ERC1: variants seen among roughly 807,000 people sequenced by gnomAD.
The protein encoded by ERC1 is ELKS/RAB6-interacting/CAST family member 1.
In ERC1, 56 loss-of-function variants were observed where a neutral mutation model predicts 132.0. The ratio of observed to expected loss-of-function variants is 0.42; its 90% confidence interval spans 0.34 to 0.53. ERC1 has a LOEUF of 0.53. Ranked by LOEUF, ERC1 falls within the 20% of genes least tolerant of loss-of-function variation. ERC1 has a pLI of 0.03. For synonymous variants in ERC1, 478 were observed against 476.1 expected (o/e 1.00, Z -0.05); for missense variants, 1,202 against 1,349.9 (o/e 0.89, Z 1.72).
intron 16 of ERC1, 91 bp downstream of exon 16, chr12:1,372,068 A>C (rs1591594461): frequency 2.6e-5 from 34 of 1,309,754 alleles, no homozygotes; most frequent in Non-Finnish European, 3.0e-5. Context: ...TTAAGGTCTC[A>C]TGTTTCATAT....
chr12:1,148,063 C>T (rs1330685328), intron 8 of ERC1, among the ~76,000 whole-genome samples: 2 of 152,026 alleles, frequency 1.3e-5, no homozygotes, highest in Non-Finnish European at 2.9e-5. Flanking sequence ...AACATGACAG[C>T]AAGCTACTAA....
At chr12:1,168,876 G>C (rs192347317) in intron 8 of ERC1, among the ~76,000 whole-genome samples, 94 of 152,068 alleles carry the variant, frequency 6.2e-4, no homozygotes, top group Middle Eastern at 3.4e-3. Context: ...TTGACAGTCT[G>C]ATGAAAGCTA....
At chr12:1,408,552 T>C (rs551392007) in intron 17 of ERC1, among the ~76,000 whole-genome samples, 1 of 152,366 alleles carries the variant, frequency 6.6e-6, no homozygotes, top group Non-Finnish European at 1.5e-5. Context: ...CTGTCTTTAC[T>C]AATTTTTAAC....
chr12:1,330,902 A>T lies in ERC1; in HGVS notation c.2780+40890A>T, dbSNP rs150462544. ...TGTTCCATGTTTTGACTAAATTGCTAGTACTGTCTTTCAATTCACTGATTC... is the reference window on the plus strand; with the variant it reads ...TGTTCCATGTTTTGACTAAATTGCTTGTACTGTCTTTCAATTCACTGATTC... On this transcript the variant is annotated intron_variant, in intron 15 of 18. Coordinates refer to ENST00000360905, the MANE Select transcript of ERC1 (RefSeq NM_178040.4). Among the ~76,000 whole-genome samples, 812 of 152,230 alleles carry T rather than the reference A, an allele frequency of 5.3e-3. 5 individuals carry two copies. Among genetic ancestry groups the T allele is most frequent in the Non-Finnish European group, 9.7e-3 (662 of 68,014 alleles).
At chr12:1,406,277 TAA>T (rs1291503711) in intron 16 of ERC1, among the ~76,000 whole-genome samples, 1 of 152,188 alleles carries the variant, frequency 6.6e-6, no homozygotes, top group East Asian at 1.9e-4. Flanking sequence ...TTGGCTCTTT[TAA>T]ATCCCTTGCT....
chr12:1,303,562 C>A (rs561634504), intron 15 of ERC1, among the ~76,000 whole-genome samples: 2 of 151,982 alleles, frequency 1.3e-5, no homozygotes, highest in Non-Finnish European at 2.9e-5. Flanking sequence ...TGGCATGAAC[C>A]CAGGAGGCGG....
chr12:1,100,095 G>A (rs956717348), intron 3 of ERC1, among the ~76,000 whole-genome samples: 19 of 152,012 alleles, frequency 1.2e-4, no homozygotes, highest in African/African-American at 3.9e-4. Flanking sequence ...TGATCCACCC[G>A]CCTCGGCCTC....
chr12:1,126,023 GTT>G (rs1372933130), intron 7 of ERC1, among the ~76,000 whole-genome samples: 1 of 152,146 alleles, frequency 6.6e-6, no homozygotes, highest in Non-Finnish European at 1.5e-5. Context: ...TAGAATTTTA[GTT>G]TTGTAAGGTG....
chr12:1,315,626 A>G (rs921200004), intron 15 of ERC1, among the ~76,000 whole-genome samples: 7 of 152,146 alleles, frequency 4.6e-5, no homozygotes, highest in Admixed American at 1.3e-4. Flanking sequence ...GCGGATCTAC[A>G]GGATTTTAAA....
At chr12:1,141,272 T>C (rs1445222846) in intron 7 of ERC1, among the ~76,000 whole-genome samples, 3 of 152,214 alleles carry the variant, frequency 2.0e-5, no homozygotes, top group Non-Finnish European at 2.9e-5. Context: ...GATGCTTTTT[T>C]TCCCTTTTCC....
chr12:1,180,684 G>T lies in ERC1; in HGVS notation c.1875+7G>T. The T allele has an allele frequency of 1.2e-6, 2 of 1,613,818 alleles. No individual in the cohort carries two copies. The highest frequency in any genetic ancestry group is 1.7e-6 in the Non-Finnish European group (2 of 1,179,966). ...GGAGGCCCTTGCAGAGAAAGTGAGT[G>T]GCTGGCCCCAACTCTCCACACACGT... On this transcript the variant is annotated splice_region_variant and intron_variant, in intron 9 of 18. Coordinates refer to ENST00000360905, the MANE Select transcript of ERC1 (RefSeq NM_178040.4).
chr12:1,017,813 A>T (rs921850327), intron 1 of ERC1, among the ~76,000 whole-genome samples: 3 of 151,822 alleles, frequency 2.0e-5, no homozygotes, highest in African/African-American at 7.3e-5. Flanking sequence ...TGGTATTTTT[A>T]AAAAACTCAA....
At chr12:1,313,561 A>G (rs2081466514) in intron 15 of ERC1, among the ~76,000 whole-genome samples, 1 of 152,122 alleles carries the variant, frequency 6.6e-6, no homozygotes, top group Non-Finnish European at 1.5e-5. Flanking sequence ...ACCACCAAAA[A>G]GAGGCTAATC....
chr12:1,348,735 A>G (rs2084721330), intron 15 of ERC1, among the ~76,000 whole-genome samples: 1 of 152,106 alleles, frequency 6.6e-6, no homozygotes, highest in Non-Finnish European at 1.5e-5. Context: ...TAATGCAACA[A>G]GATTTCCTAC....
chr12:1,036,518 G>C (rs1427091567), intron 2 of ERC1, among the ~76,000 whole-genome samples: 1 of 151,336 alleles, frequency 6.6e-6, no homozygotes, highest in Non-Finnish European at 1.5e-5. Flanking sequence ...GGAACTGCAG[G>C]TGCACGCCAC....
rs375518705 is a variant in ERC1 at position 1,485,418 on chromosome 12, T to G, written c.3214-4675T>G. Among the ~76,000 whole-genome samples the G allele has an allele frequency of 1.6e-3, 236 of 152,116 alleles. 1 individual carries two copies. The highest frequency in any genetic ancestry group is 0.01 in the Middle Eastern group (3 of 294). ...CAGAGTTTCACCACATTGGCCAGGCTGGTCTTGAACTCCTGACCTTGTGAT... is the reference window on the plus strand; with the variant it reads ...CAGAGTTTCACCACATTGGCCAGGCGGGTCTTGAACTCCTGACCTTGTGAT... On this transcript the variant is annotated intron_variant, in intron 18 of 18. Coordinates refer to ENST00000360905, the MANE Select transcript of ERC1 (RefSeq NM_178040.4).
At chr12:1,296,119 T>G (rs533542731) in intron 15 of ERC1, among the ~76,000 whole-genome samples, 1 of 151,850 alleles carries the variant, frequency 6.6e-6, no homozygotes, top group African/African-American at 2.4e-5. Flanking sequence ...AAAGGAAAAG[T>G]ATTTTAAAAT....
chr12:1,083,080 T>A, intron 2 of ERC1, 84 bp from the exon 3 acceptor site: 5 of 1,144,998 alleles, frequency 4.4e-6, no homozygotes, highest in Non-Finnish European at 6.3e-6. Flanking sequence ...TTCTTGTAGC[T>A]ATTTTTGATT....
At chr12:1,029,916 A>G (rs1024092320) in intron 2 of ERC1, among the ~76,000 whole-genome samples, 14 of 151,524 alleles carry the variant, frequency 9.2e-5, no homozygotes, top group African/African-American at 3.4e-4. Context: ...CCTGGCTAAT[A>G]TTTGTATTTT....
Sources: allele counts gnomAD v4.1 joint callset (sites outside exome capture counted in the v4.1 genomes callset), GRCh38; gene constraint gnomAD v4.1.1; transcripts MANE v1.5; gene names NCBI Gene and HGNC (gene_info 2026-07-23, HGNC 2026-07-21).